The following ZFAND5 variants were observed in gnomAD, a reference collection of about 807,000 sequenced individuals.
ZFAND5 encodes AN1-type zinc finger protein 5.
In ZFAND5, 4 loss-of-function variants were observed where a neutral mutation model predicts 23.6. The ratio of observed to expected loss-of-function variants is 0.17; its 90% CI spans 0.08 to 0.39. The LOEUF (loss-of-function observed/expected upper bound fraction) is 0.39, where lower values mean the gene tolerates loss of function less well. ZFAND5 is among the 10% of genes least tolerant of loss of function. The probability of loss-of-function intolerance (pLI) is 1.00; values close to 1 mark genes in which losing one functional copy is unlikely to be tolerated. For missense variants in ZFAND5, 161 were observed against 253.7 expected, an observed-to-expected ratio of 0.63 and a Z score of 2.48; for synonymous variants, 68 against 80.6, an observed-to-expected ratio of 0.84 and a Z score of 0.84.
chr9:72,362,625 G>T (rs756691074), intron 2 of ZFAND5, among the ~76,000 whole-genome samples: 1 of 152,182 alleles, frequency 6.6e-6, no homozygotes, highest in Non-Finnish European at 1.5e-5. Context: ...TTGCTTCAGA[G>T]AACATGTCTA....
intron 4 of ZFAND5, 61 bp from the exon 5 acceptor site, chr9:72,359,582 T>TG (rs1587875110): frequency 7.0e-7 from 1 of 1,435,112 alleles, no homozygotes; most frequent in East Asian, 2.3e-5. Context: ...AGACAATGAA[T>TG]AAGTTGTCAG....
rs1841876068 is a variant in ZFAND5 at position 72,354,410 on chromosome 9, C to T, written c.*1543G>A. On this transcript the variant is annotated 3_prime_UTR_variant, in exon 7 of 7. Coordinates refer to ENST00000376962, the MANE Select transcript of ZFAND5 (RefSeq NM_001102420.3). ...GTAAAGTAACATTTTCTAATTTTCC[C>T]CCTTTAGGACTCCAACTATGGCTTA... 6.6e-6 allele frequency: 1 copy of T among 152,520 alleles called. No individual in the cohort carries two copies. The highest frequency in any genetic ancestry group is 2.1e-4 in the South Asian group (1 of 4,818). 9.4% of individuals were successfully genotyped at this position (152,520 alleles called of 1,614,324 possible). A position where few individuals can be genotyped will look rare whatever the true frequency, so the allele number is the denominator to read the frequency against.
rs952925140 is a variant in ZFAND5, at chr9:72,352,079, G to C, written c.*3874C>G. ...GGAGGCCGGGGTGGGCGGATCATGA[G>C]GTCAGGAGATCGAGACCACCCTGGC... On this transcript the variant is annotated 3_prime_UTR_variant, in exon 7 of 7. Transcript: ENST00000376962. 17 of 152,170 alleles carry C rather than the reference G, an allele frequency of 1.1e-4. No individual in the cohort carries two copies. The highest frequency in any genetic ancestry group is 4.1e-4 in the African/African-American group (17 of 41,416). The allele number at this position is 152,170 out of a possible 1,614,324, so 9.4% of individuals were successfully genotyped here. A position where few individuals can be genotyped will look rare whatever the true frequency, so the allele number is the denominator to read the frequency against.
chr9:72,359,561 G>T, intron 4 of ZFAND5, 40 bp from the exon 5 acceptor site: 1 of 1,566,842 alleles, frequency 6.4e-7, no homozygotes, highest in East Asian at 2.3e-5. Flanking sequence ...AGGTGTTAAG[G>T]GTACTTCTTG....
Position 72,353,998 on chromosome 9 carries a change from A to G in ZFAND5, c.*1955T>C, listed in dbSNP as rs1222663016. The G allele has an allele frequency of 1.3e-5, 2 of 152,190 alleles. No homozygotes were observed. Among genetic ancestry groups the G allele is most frequent in the East Asian group, 3.8e-4 (2 of 5,196 alleles). The allele number at this position is 152,190 out of a possible 1,614,324, so 9.4% of individuals were successfully genotyped here. A position where few individuals can be genotyped will look rare whatever the true frequency, so the allele number is the denominator to read the frequency against. On this transcript the variant is annotated 3_prime_UTR_variant, in exon 7 of 7. Coordinates refer to ENST00000376962, the MANE Select transcript of ZFAND5 (RefSeq NM_001102420.3). Reference sequence around the variant, plus strand: ...CTCTGGTAATCATTTACCCCAGGTAAAGTCAACATGTACCTGTCACCCCTT... The same window carrying G: ...CTCTGGTAATCATTTACCCCAGGTAGAGTCAACATGTACCTGTCACCCCTT...
chr9:72,363,569 T>TG lies in ZFAND5; in HGVS notation c.-110dup. On this transcript the variant is annotated 5_prime_UTR_variant, in exon 2 of 7. Transcript: ENST00000376962. Reference sequence around the variant, plus strand: ...AGATTTCAGTTCCCTCTTTGCCAAATGGAGTAGAATTGACTTTTAAAGGCT... The same window carrying TG: ...AGATTTCAGTTCCCTCTTTGCCAAATGGGAGTAGAATTGACTTTTAAAGGCT... 1.1e-6 allele frequency: 1 copy of TG among 936,692 alleles called. No individual in the cohort carries two copies. The highest frequency in any genetic ancestry group is 1.3e-6 in the Non-Finnish European group (1 of 785,474). The allele number at this position is 936,692 out of a possible 1,614,324, so 58.0% of individuals were successfully genotyped here.
rs145573448 is a variant in ZFAND5 at position 72,359,301 on chromosome 9, A to G, written c.367+117T>C. The G allele has an allele frequency of 2.0e-4, 183 of 914,786 alleles. 2 individuals carry two copies. In the East Asian group the frequency reaches 3.6e-3, roughly 18 times the overall value. 56.7% of individuals were successfully genotyped at this position (914,786 alleles called of 1,614,324 possible). ...AAGATAGTAGTTCTTTGCTTGGCCT[A>G]TATTTTATGGCTCTCCCTCCTCTTT... On this transcript the variant is annotated intron_variant, in intron 5 of 6. Coordinates refer to ENST00000376962, the MANE Select transcript of ZFAND5 (RefSeq NM_001102420.3).
chr9:72,359,720 G>C (rs1047765571), intron 4 of ZFAND5, among the ~76,000 whole-genome samples, 199 bp from the exon 5 acceptor site: 1 of 152,114 alleles, frequency 6.6e-6, no homozygotes, highest in Non-Finnish European at 1.5e-5. Context: ...TCATGAACTC[G>C]AGGCTGCATT....
intron 5 of ZFAND5, among the ~76,000 whole-genome samples, chr9:72,359,138 G>A (rs573030569): frequency 6.6e-6 from 1 of 152,188 alleles, no homozygotes; most frequent in East Asian, 1.9e-4. Context: ...ACTTCATCAA[G>A]TTTTTAACAC....
At position 72,353,196 on chromosome 9, in the gene ZFAND5, G is replaced by A. The variant is rs1370444589; in HGVS notation, c.*2757C>T. ...TATATTATTAAATTGCTTAATATCT[G>A]TACATTTCAAAGGACTTCATGGCCT... On this transcript the variant is annotated 3_prime_UTR_variant, in exon 7 of 7. Coordinates refer to ENST00000376962, the MANE Select transcript of ZFAND5 (RefSeq NM_001102420.3). The A allele has an allele frequency of 6.6e-6, 1 of 152,136 alleles. No individual in the cohort carries two copies. The highest frequency in any genetic ancestry group is 2.4e-5 in the African/African-American group (1 of 41,414). The allele number at this position is 152,136 out of a possible 1,614,324, so 9.4% of individuals were successfully genotyped here. A position where few individuals can be genotyped will look rare whatever the true frequency, so the allele number is the denominator to read the frequency against.
chr9:72,359,291 TG>T, intron 5 of ZFAND5, 126 bp downstream of exon 5: 1 of 777,660 alleles, frequency 1.3e-6, no homozygotes, highest in Non-Finnish European at 2.0e-6. Context: ...AGTAGTTCTT[TG>T]CTTGGCCTAT....
At chr9:72,362,763 C>A (rs978281910) in intron 2 of ZFAND5, among the ~76,000 whole-genome samples, 7 of 152,144 alleles carry the variant, frequency 4.6e-5, no homozygotes, top group African/African-American at 7.2e-5. Context: ...AATGCCATCA[C>A]ATGTGCACAG....
chr9:72,363,311 TAA>T (rs1456987273), intron 2 of ZFAND5, among the ~76,000 whole-genome samples, 157 bp downstream of exon 2: 1 of 152,238 alleles, frequency 6.6e-6, no homozygotes, highest in African/African-American at 2.4e-5. Flanking sequence ...GCAGATTTTA[TAA>T]AGTTTATGGC....
In ZFAND5 at chr9:72,351,794, T is replaced by C. The variant is rs1374366795; in HGVS notation, c.*4159A>G. ...ATGTTCACTTGTTTTTAAAGCAGAT[T>C]GTACAAACAGGAGAAACAAACAGGG... On this transcript the variant is annotated 3_prime_UTR_variant, in exon 7 of 7. Transcript: ENST00000376962. 1 of 152,130 alleles carries C rather than the reference T, an allele frequency of 6.6e-6. No homozygotes were observed. The highest frequency in any genetic ancestry group is 1.5e-5 in the Non-Finnish European group (1 of 68,028). The allele number at this position is 152,130 out of a possible 1,614,324, so 9.4% of individuals were successfully genotyped here.
At chr9:72,359,927 G>C (rs971166593) in intron 4 of ZFAND5, among the ~76,000 whole-genome samples, 183 bp downstream of exon 4, 9 of 152,172 alleles carry the variant, frequency 5.9e-5, no homozygotes, top group African/African-American at 2.2e-4. Context: ...TCCTTGAGGG[G>C]GTTAGGGAGT....
At chr9:72,360,831 A>G in intron 2 of ZFAND5, 44 bp from the exon 3 acceptor site, 1 of 1,528,694 alleles carries the variant, frequency 6.5e-7, no homozygotes, top group Non-Finnish European at 8.9e-7. Flanking sequence ...TATCACCAAA[A>G]TATAGTCTAA....
chr9:72,355,136 T>C lies in ZFAND5; in HGVS notation c.*817A>G, dbSNP rs1841904674. 6.5e-6 allele frequency: 1 copy of C among 152,686 alleles called. No individual in the cohort carries two copies. Among genetic ancestry groups the C allele is most frequent in the African/African-American group, 2.4e-5 (1 of 41,474 alleles). 9.5% of individuals were successfully genotyped at this position (152,686 alleles called of 1,614,324 possible). A position where few individuals can be genotyped will look rare whatever the true frequency, so the allele number is the denominator to read the frequency against. The stretch of plus-strand genomic sequence containing the variant: ...CTTTGCAACTTAAAATTCAGATGCA[T>C]GTTATTCAATAGAGCTGCTGTATGT... On this transcript the variant is annotated 3_prime_UTR_variant, in exon 7 of 7. Transcript: ENST00000376962.
chr9:72,360,097 C>T lies in ZFAND5; in HGVS notation c.263+13G>A, dbSNP rs753100993. 10 of 1,600,268 alleles carry T rather than the reference C, an allele frequency of 6.2e-6. No individual in the cohort carries two copies. Among genetic ancestry groups the T allele is most frequent in the South Asian group, 5.6e-5 (5 of 89,780 alleles). Reference sequence around the variant, plus strand: ...TTGTAATATCATAAAAACTCTGAAACGTTCAATCTTACCTTGATTTTTCAG... The same window carrying T: ...TTGTAATATCATAAAAACTCTGAAATGTTCAATCTTACCTTGATTTTTCAG... On this transcript the variant is annotated intron_variant, in intron 4 of 6. Transcript: ENST00000376962.
chr9:72,365,058 A>G lies in ZFAND5; in HGVS notation c.-509T>C, dbSNP rs1842227548. 2 of 152,006 alleles carry G rather than the reference A, an allele frequency of 1.3e-5. No homozygotes were observed. The allele number at this position is 152,006 out of a possible 1,614,324, so 9.4% of individuals were successfully genotyped here. The stretch of plus-strand genomic sequence containing the variant: ...GCAGGTTGGGCGGACGAGGAGGGCG[A>G]GCGGACCGCGCGCCGCGAGGCCTGG... On this transcript the variant is annotated 5_prime_UTR_variant, in exon 1 of 7. Transcript: ENST00000376962.
Sources: gnomAD v4.1 joint callset for allele counts (sites outside exome capture counted in the v4.1 genomes callset) on GRCh38, gnomAD v4.1.1 for gene constraint, MANE v1.5 for transcripts, NCBI Gene and HGNC (gene_info 2026-07-23, HGNC 2026-07-21) for gene names.